Variants in MAP2 observed in about 807,000 individuals in gnomAD.
MAP2 encodes microtubule associated protein 2, also known as microtubule-associated protein 2.
A neutral mutation model predicts 137.6 loss-of-function variants in MAP2; 14 were observed. The observed-to-expected ratio is 0.10, with a 90% CI of 0.07 to 0.16. The LOEUF is 0.16. Ranked by LOEUF, MAP2 falls within the 10% of genes least tolerant of loss-of-function variation. The pLI is 1.00. For synonymous variants in MAP2, 786 were observed against 782.3 expected (o/e 1.00, Z -0.08); for missense variants, 2,088 against 2,191.5 (o/e 0.95, Z 0.94).
At chr2:209,435,974 A>T (rs1267094612) in intron 1 of MAP2, among the ~76,000 whole-genome samples, 1 of 128,246 alleles carries the variant, frequency 7.8e-6, no homozygotes, top group Non-Finnish European at 1.6e-5. Context: ...ATTATATATA[A>T]TATATACAGT....
intron 4 of MAP2, among the ~76,000 whole-genome samples, chr2:209,631,297 A>C (rs534316173): frequency 2.0e-5 from 3 of 152,228 alleles, no homozygotes; most frequent in African/African-American, 7.2e-5. Flanking sequence ...GCACAACTTA[A>C]ACCAACGTTT....
intron 2 of MAP2, among the ~76,000 whole-genome samples, chr2:209,514,464 A>G (rs2150310648): frequency 6.6e-6 from 1 of 152,226 alleles, no homozygotes; most frequent in East Asian, 1.9e-4. Context: ...TGCTTATGAA[A>G]TCAGTTCTGT....
chr2:209,525,609 G>T (rs1212521034), intron 2 of MAP2, among the ~76,000 whole-genome samples: 3 of 152,118 alleles, frequency 2.0e-5, no homozygotes, highest in Non-Finnish European at 4.4e-5. Flanking sequence ...TCTGGAAAAA[G>T]ATATCATAGT....
intron 4 of MAP2, among the ~76,000 whole-genome samples, chr2:209,632,699 G>C (rs570486464): frequency 6.6e-6 from 1 of 152,012 alleles, no homozygotes; most frequent in Admixed American, 6.6e-5. Flanking sequence ...ATGTATCTCC[G>C]TTGCTATCCA....
chr2:209,546,999 A>C (rs2068211352), intron 2 of MAP2, among the ~76,000 whole-genome samples: 1 of 152,194 alleles, frequency 6.6e-6, no homozygotes. Flanking sequence ...AATTTTTAAA[A>C]ATTAATTTGA....
intron 2 of MAP2, among the ~76,000 whole-genome samples, chr2:209,508,845 C>G (rs2061400730): frequency 6.6e-6 from 1 of 150,816 alleles, no homozygotes; most frequent in South Asian, 2.1e-4. Context: ...TAAAGTTTCT[C>G]TTTTTTATTC....
intron 4 of MAP2, among the ~76,000 whole-genome samples, chr2:209,648,621 C>CAAAA (rs1228232293): frequency 1.8e-4 from 9 of 51,046 alleles, no homozygotes; most frequent in East Asian, 6.3e-4. Flanking sequence ...ACTAAAAATA[C>CAAAA]AAAAAAAAAA....
chr2:209,701,995 G>A (rs145746688), intron 11 of MAP2, among the ~76,000 whole-genome samples: 48 of 152,168 alleles, frequency 3.2e-4, no homozygotes, highest in African/African-American at 1.1e-3. Context: ...AAAATTAAAT[G>A]TAATGATGTT....
In MAP2 at chr2:209,584,431, A is replaced by G. The variant is rs186787331; in HGVS notation, c.-107+4331A>G. Among the ~76,000 whole-genome samples, 217 of 152,306 alleles carry G rather than the reference A, an allele frequency of 1.4e-3. 1 individual carries two copies. The highest frequency in any genetic ancestry group is 5.0e-3 in the African/African-American group (209 of 41,578). ...CAGGACTCTTAGAAGATAAAGTTGT[A>G]TCATACGAAATGGCTAATATTCATC... On this transcript the variant is annotated intron_variant, in intron 3 of 15. Transcript: ENST00000682079.
chr2:209,512,538 G>T (rs2061860725), intron 2 of MAP2, among the ~76,000 whole-genome samples: 1 of 140,464 alleles, frequency 7.1e-6, no homozygotes, highest in Non-Finnish European at 1.5e-5. Context: ...ATATATTAAT[G>T]AAAGAAGCCA....
intron 3 of MAP2, among the ~76,000 whole-genome samples, chr2:209,601,618 T>C (rs926248252): frequency 6.6e-6 from 1 of 152,178 alleles, no homozygotes; most frequent in African/African-American, 2.4e-5. Context: ...AGTGTTTTCC[T>C]CTTGTGCTGC....
intron 5 of MAP2, among the ~76,000 whole-genome samples, chr2:209,660,289 CTA>C (rs1163856485): frequency 1.3e-5 from 2 of 151,520 alleles, no homozygotes; most frequent in Non-Finnish European, 2.9e-5. Context: ...ACCATGGGAG[CTA>C]TGTCTTATAA....
At chr2:209,607,649 G>C (rs1207533976) in intron 3 of MAP2, among the ~76,000 whole-genome samples, 1 of 152,134 alleles carries the variant, frequency 6.6e-6, no homozygotes, top group Non-Finnish European at 1.5e-5. Context: ...TGGCCAGGCT[G>C]ATCTCGAACT....
chr2:209,491,453 G>A (rs1158645605), intron 1 of MAP2, among the ~76,000 whole-genome samples: 1 of 152,086 alleles, frequency 6.6e-6, no homozygotes, highest in African/African-American at 2.4e-5. Context: ...GATCAGAGCA[G>A]AAATGAAGGA....
chr2:209,609,028 C>G (rs2085833147), intron 3 of MAP2, among the ~76,000 whole-genome samples: 1 of 152,006 alleles, frequency 6.6e-6, no homozygotes, highest in African/African-American at 2.4e-5. Context: ...CTTCTGTGCT[C>G]TCACCCTATA....
At position 209,424,268 on chromosome 2, in the gene MAP2, T is replaced by G. The variant is rs540932395; in HGVS notation, c.-230T>G. 1 of 152,578 alleles carries G rather than the reference T, an allele frequency of 6.6e-6. No individual in the cohort carries two copies. The highest frequency in any genetic ancestry group is 1.5e-5 in the Non-Finnish European group (1 of 68,290). 9.5% of individuals were successfully genotyped at this position (152,578 alleles called of 1,614,324 possible). A position where few individuals can be genotyped will look rare whatever the true frequency, so the allele number is the denominator to read the frequency against. On this transcript the variant is annotated 5_prime_UTR_variant, in exon 1 of 16. Transcript: ENST00000682079. ...CGCGACCGCGGGTGCATCCAGTTTC[T>G]GCGCCCAGGTAAGAGACCGTCCCCA...
rs1331943551 is a variant in MAP2, at chr2:209,695,658, A to C, written c.3488A>C (p.Asp1163Ala). The C allele has an allele frequency of 6.2e-7, 1 of 1,614,022 alleles. No individual in the cohort carries two copies. Among genetic ancestry groups the C allele is most frequent in the African/African-American group, 1.3e-5 (1 of 74,924 alleles). The change falls in exon 8 of 16, where the codon GAT (aspartate) becomes GCT (alanine). Residue 1163 changes from aspartate to alanine, a missense_variant. Physicochemically the swap from Asp to Ala is moderately radical, Grantham distance 126. Around this residue, in one of 6 missense-constraint regions of MAP2, gnomAD observed 591 missense variants for 642.6 expected, o/e 0.92. Coordinates refer to ENST00000682079, the MANE Select transcript of MAP2 (RefSeq NM_001375505.1). The stretch of plus-strand genomic sequence containing the variant: ...TCTCCAGAATCATCTCTAATTCAAG[A>C]TGAGATTGCCGTCAAATTGTCAGTG... ...ETSPESSLIQ[D>A]EIAVKLSVEI...
intron 3 of MAP2, among the ~76,000 whole-genome samples, chr2:209,615,818 T>G (rs944970606): frequency 2.0e-5 from 3 of 152,300 alleles, no homozygotes; most frequent in African/African-American, 7.2e-5. Context: ...CCTTCACCTA[T>G]TTTACATATA....
At chr2:209,526,782 G>A (rs905353435) in intron 2 of MAP2, among the ~76,000 whole-genome samples, 4 of 151,022 alleles carry the variant, frequency 2.6e-5, no homozygotes, top group Non-Finnish European at 5.9e-5. Flanking sequence ...TAAATCTAAC[G>A]GCATCCCTGT....
Sources: allele counts gnomAD v4.1 joint callset (sites outside exome capture counted in the v4.1 genomes callset), GRCh38; gene constraint gnomAD v4.1.1; regional missense constraint gnomAD v4.1.1; transcripts MANE v1.5; gene names NCBI Gene and HGNC (gene_info 2026-07-23, HGNC 2026-07-21).